Variants in HERC1 observed in about 807,000 individuals in gnomAD.
HERC1 encodes HECT and RLD domain containing E3 ubiquitin protein ligase family member 1, also known as probable E3 ubiquitin-protein ligase HERC1.
Under a neutral mutation model 554.3 loss-of-function variants are expected in HERC1, and 160 were observed. The ratio of observed to expected loss-of-function variants is 0.29; its 90% CI spans 0.25 to 0.33. The LOEUF (loss-of-function observed/expected upper bound fraction) is 0.33, where lower values mean the gene tolerates loss of function less well. Among genes scored for constraint, HERC1 ranks in the 10% least tolerant of loss-of-function variants. The probability of loss-of-function intolerance (pLI) is 1.00; values close to 1 mark genes in which losing one functional copy is unlikely to be tolerated. For synonymous variants in HERC1, 2,175 were observed against 2,131.7 expected (o/e 1.02, Z -0.56); for missense variants, 4,919 against 5,918.5 (o/e 0.83, Z 5.54).
chr15:63,752,526 G>A (rs1205177531), intron 8 of HERC1: 1 of 153,900 alleles, frequency 6.5e-6, no homozygotes, highest in Non-Finnish European at 1.4e-5. Flanking sequence ...ACTTCACACT[G>A]TTTCTCAGAA....
At position 63,733,065 on chromosome 15, in the gene HERC1, A is replaced by G; in HGVS notation, c.2727T>C (p.Ser909=). ...ACACAGAAGATAGGTCAGCAGCATC[A>G]GAGGGTGAACTATAGCCAAGTAGGG... ...VASLLGYSSP[S]DAADLSSVCT... Residue 909 remains serine, a synonymous_variant, in exon 14 of 78, where the codon TCT becomes TCC. Coordinates refer to ENST00000443617, the MANE Select transcript of HERC1 (RefSeq NM_003922.4). 1.9e-6 allele frequency: 3 copies of G among 1,613,938 alleles called. No individual in the cohort carries two copies. The highest frequency in any genetic ancestry group is 1.1e-5 in the South Asian group (1 of 91,084).
At chr15:63,720,384 G>C (rs1240179761) in intron 19 of HERC1, among the ~76,000 whole-genome samples, 1 of 151,958 alleles carries the variant, frequency 6.6e-6, no homozygotes, top group African/African-American at 2.4e-5. Context: ...CTCCCAGAGG[G>C]ACTGCTAGTC....
At chr15:63,716,827 T>C (rs1330970862) in intron 21 of HERC1, among the ~76,000 whole-genome samples, 3 of 152,210 alleles carry the variant, frequency 2.0e-5, no homozygotes, top group Non-Finnish European at 4.4e-5. Context: ...AGGCAGAGAA[T>C]TTTTATTCTA....
chr15:63,635,256 C>T (rs2068732773), intron 65 of HERC1, among the ~76,000 whole-genome samples: 6 of 152,112 alleles, frequency 3.9e-5, no homozygotes, highest in Admixed American at 3.9e-4. Flanking sequence ...GCTATGTTGT[C>T]TAGGCTGGTC....
intron 1 of HERC1, among the ~76,000 whole-genome samples, chr15:63,784,429 A>G (rs1434122897): frequency 6.6e-6 from 1 of 152,242 alleles, no homozygotes; most frequent in African/African-American, 2.4e-5. Context: ...ATACAGTAAC[A>G]TAACTATATT....
chr15:63,718,882 G>C lies in HERC1; in HGVS notation c.3758C>G (p.Thr1253Ser). ...GTCCAAGAGTGACTCATTACTTAAA[G>C]TTGCACTGTCCCAATCTGAAAATAA... ...YAVSKDWDSA[T>S]LSNESLLDTV... Residue 1253 changes from threonine (T) to serine (S), a missense_variant, in exon 20 of 78, where the codon ACT becomes AGT. Coordinates refer to ENST00000443617, the MANE Select transcript of HERC1 (RefSeq NM_003922.4). This position sits in a 1 kb window ranked among gnomAD's most constrained non-coding sequence, Gnocchi z 4.2. 6.2e-7 allele frequency: 1 copy of C among 1,609,486 alleles called. No homozygotes were observed. The highest frequency in any genetic ancestry group is 8.5e-7 in the Non-Finnish European group (1 of 1,176,532).
In HERC1 at chr15:63,677,777, T is replaced by G; in HGVS notation, c.7070+68A>C. The G allele has an allele frequency of 6.5e-7, 1 of 1,539,980 alleles. No individual in the cohort carries two copies. ...ACCTAAAATACATAATTACTCACTG[T>G]CGACAGGCAATGGCCTATTTCACCA... On this transcript the variant is annotated intron_variant, in intron 37 of 77. Transcript: ENST00000443617. This position sits in a 1 kb window ranked among gnomAD's most constrained non-coding sequence, Gnocchi z 4.4.
In HERC1 at chr15:63,616,346, G is replaced by A. The variant is rs1475416707; in HGVS notation, c.13941+84C>T. On this transcript the variant is annotated intron_variant, in intron 75 of 77. Transcript: ENST00000443617. The stretch of plus-strand genomic sequence containing the variant: ...TCAGCCAGACAGCAAGTGGAAGACT[G>A]TATCTCAATTTTACACAGAAAAATT... The A allele has an allele frequency of 2.9e-6, 4 of 1,388,766 alleles. 1 individual carries two copies. In the Admixed American group the frequency reaches 8.0e-5, roughly 28 times the overall value. 86.0% of individuals were successfully genotyped at this position (1,388,766 alleles called of 1,614,324 possible).
At chr15:63,710,828 A>G (rs1250888881) in intron 24 of HERC1, among the ~76,000 whole-genome samples, 1 of 152,214 alleles carries the variant, frequency 6.6e-6, no homozygotes, top group African/African-American at 2.4e-5. Flanking sequence ...CCTAAAGGGA[A>G]CTTGTGTTGC....
chr15:63,659,205 A>T (rs1233706630), intron 47 of HERC1, among the ~76,000 whole-genome samples: 1 of 152,112 alleles, frequency 6.6e-6, no homozygotes, highest in Non-Finnish European at 1.5e-5. Context: ...AAGTTCTATA[A>T]ATCTTTTTAT....
intron 71 of HERC1, among the ~76,000 whole-genome samples, 183 bp from the exon 72 acceptor site, chr15:63,624,510 A>C (rs1198884473): frequency 6.6e-6 from 1 of 152,214 alleles, no homozygotes; most frequent in Non-Finnish European, 1.5e-5. Flanking sequence ...TAGCCTGGGT[A>C]ACATGGCAAA....
chr15:63,821,326 G>A (rs547586983), intron 1 of HERC1, among the ~76,000 whole-genome samples: 4 of 151,862 alleles, frequency 2.6e-5, no homozygotes, highest in Non-Finnish European at 5.9e-5. Flanking sequence ...AGGCTGAGGC[G>A]GGCGGATCAC....
chr15:63,784,373 A>G (rs937573745), intron 1 of HERC1, among the ~76,000 whole-genome samples: 1 of 152,176 alleles, frequency 6.6e-6, no homozygotes, highest in Non-Finnish European at 1.5e-5. Flanking sequence ...TACACTGTTA[A>G]AAAAGAAAAA....
In HERC1 at chr15:63,661,912, C is replaced by T. The variant is rs778470973; in HGVS notation, c.9011G>A (p.Arg3004His). 1.3e-5 allele frequency: 21 copies of T among 1,613,858 alleles called. No individual in the cohort carries two copies. Among genetic ancestry groups the T allele is most frequent in the Middle Eastern group, 1.6e-4 (1 of 6,084 alleles). The change falls in exon 45 of 78, where the codon CGC (arginine) becomes CAC (histidine). Residue 3004 changes from arginine (R) to histidine (H), a missense_variant. Physicochemically the swap from Arg to His is conservative, Grantham distance 29 (BLOSUM62 0). Around this residue, in one of 11 missense-constraint regions of HERC1, gnomAD observed 1,963 missense variants for 2,228.6 expected, o/e 0.88. Transcript: ENST00000443617. ...GCGATAGCCCTGGCGGTTTGCACTG[C>T]GCCCACAGCCTGGATGGTTTCTCTT... is the stretch of plus-strand genomic sequence containing the variant. ...HMKRNHPGCG[R>H]SANRQGYRSN... is the part of the protein sequence containing the mutation.
rs755614105 is a variant in HERC1 at position 63,654,143 on chromosome 15, G to A, written c.10266C>T (p.Ile3422=). The change falls in exon 51 of 78, where the codon ATC becomes ATT. Residue 3422 remains isoleucine (I), a synonymous_variant. Transcript: ENST00000443617. ...MGGDLRKCSF[I]KLEAHQNRVM... is the part of the protein sequence containing the mutation. ...CTCTGTTCTGATGAGCCTCCAATTT[G>A]ATAAAGGAGCATTTTCTAAGATCTC... is the stretch of plus-strand genomic sequence containing the variant. 1.2e-6 allele frequency: 2 copies of A among 1,613,692 alleles called. No individual in the cohort carries two copies. The highest frequency in any genetic ancestry group is 1.3e-5 in the African/African-American group (1 of 75,062).
Position 63,714,695 on chromosome 15 carries a change from C to T in HERC1, c.4151-1030G>A, listed in dbSNP as rs919098633. On this transcript the variant is annotated intron_variant, in intron 22 of 77. Transcript: ENST00000443617. Reference sequence around the variant, plus strand: ...TCCTGAGTAGCTGGTATTACAGATGCGCGCCACCACACCGGCTAATTTTTT... The same window carrying T: ...TCCTGAGTAGCTGGTATTACAGATGTGCGCCACCACACCGGCTAATTTTTT... Among the ~76,000 whole-genome samples the T allele has an allele frequency of 5.9e-5, 9 of 151,712 alleles. No homozygotes were observed. In the South Asian group the frequency reaches 6.3e-4, roughly 11 times the overall value.
At chr15:63,828,876 A>G (rs950254530) in intron 1 of HERC1, among the ~76,000 whole-genome samples, 2 of 152,234 alleles carry the variant, frequency 1.3e-5, no homozygotes, top group Admixed American at 6.5e-5. Flanking sequence ...ACTAGATACT[A>G]TAAGGCTAAA....
Position 63,609,283 on chromosome 15 carries a change from A to G in HERC1, c.14401-17T>C, listed in dbSNP as rs761846635. 3.1e-6 allele frequency: 5 copies of G among 1,592,754 alleles called. No individual in the cohort carries two copies. The highest frequency in any genetic ancestry group is 4.3e-6 in the Non-Finnish European group (5 of 1,167,552). On this transcript the variant is annotated splice_polypyrimidine_tract_variant and intron_variant, in intron 77 of 77. Coordinates refer to ENST00000443617, the MANE Select transcript of HERC1 (RefSeq NM_003922.4). ...GTCGTAAGGCTGTGGAGAGAGACCC[A>G]GAGCCGTGACTGGGGACATCAGAGT... is the stretch of plus-strand genomic sequence containing the variant.
chr15:63,643,120 T>C, intron 58 of HERC1, 62 bp from the exon 59 acceptor site: 1 of 1,142,240 alleles, frequency 8.8e-7, no homozygotes. Context: ...TACATTTAAA[T>C]TTCTATTTCA....
Sources: gnomAD v4.1 joint callset for allele counts (sites outside exome capture counted in the v4.1 genomes callset) on GRCh38, gnomAD v4.1.1 for gene constraint, gnomAD v4.1.1 regional missense constraint, Gnocchi (gnomAD v3.1) non-coding constraint, MANE v1.5 for transcripts, NCBI Gene and HGNC (gene_info 2026-07-23, HGNC 2026-07-21) for gene names.